Variants in UGCG observed in about 807,000 individuals in gnomAD.
UGCG encodes the protein UDP-glucose ceramide glucosyltransferase.
Under a neutral mutation model 49.5 loss-of-function variants are expected in UGCG, and 10 were observed. That is an observed-to-expected ratio of 0.20 (90% confidence interval 0.12 to 0.34). UGCG has a LOEUF of 0.34. UGCG is among the 10% of genes least tolerant of loss of function. UGCG has a pLI of 1.00. For missense variants in UGCG, 312 were observed against 483.7 expected (o/e 0.65, Z 3.33); for synonymous variants, 182 against 158.2 (o/e 1.15, Z -1.13).
intron 7 of UGCG, 50 bp downstream of exon 7, chr9:111,931,407 G>T (rs747225080): frequency 6.4e-7 from 1 of 1,570,272 alleles, no homozygotes; most frequent in Non-Finnish European, 8.7e-7. Flanking sequence ...AAGTGGGGAG[G>T]GGGGTGGTAA....
chr9:111,932,770 A>G lies in UGCG; in HGVS notation c.1015-57A>G, dbSNP rs138265784. 12 of 1,438,664 alleles carry G rather than the reference A, an allele frequency of 8.3e-6. No individual in the cohort carries two copies. In the African/African-American group the frequency reaches 1.6e-4, roughly 19 times the overall value. 89.1% of individuals were successfully genotyped at this position (1,438,664 alleles called of 1,614,324 possible). The stretch of plus-strand genomic sequence containing the variant: ...TGAAATCCAAGAATTTAATTTTTTA[A>G]CCTTGTCTTTAGTTTGACAGTGAGT... On this transcript the variant is annotated intron_variant, in intron 8 of 8. Coordinates refer to ENST00000374279, the MANE Select transcript of UGCG (RefSeq NM_003358.3).
chr9:111,927,641 C>T (rs1838342371), intron 5 of UGCG, among the ~76,000 whole-genome samples: 1 of 151,988 alleles, frequency 6.6e-6, no homozygotes, highest in Non-Finnish European at 1.5e-5. Context: ...TTGATAGAGA[C>T]AGGTTTTCAC....
chr9:111,905,765 C>T (rs559818649), intron 1 of UGCG, among the ~76,000 whole-genome samples: 1 of 152,246 alleles, frequency 6.6e-6, no homozygotes, highest in Non-Finnish European at 1.5e-5. Flanking sequence ...CTCCTTCATG[C>T]ATTACTGATT....
intron 1 of UGCG, among the ~76,000 whole-genome samples, chr9:111,905,223 A>G (rs1837858938): frequency 6.6e-6 from 1 of 152,148 alleles, no homozygotes. Flanking sequence ...CTTATCCTCC[A>G]TGAACTGCCC....
chr9:111,902,151 T>C (rs1402172526), intron 1 of UGCG, among the ~76,000 whole-genome samples: 3 of 152,246 alleles, frequency 2.0e-5, no homozygotes, highest in East Asian at 1.9e-4. Flanking sequence ...TAACTCCTAC[T>C]CGTTCAAGTC....
rs1838485776 is a variant in UGCG, at chr9:111,934,693, T to G, written c.*1696T>G. On this transcript the variant is annotated 3_prime_UTR_variant, in exon 9 of 9. Coordinates refer to ENST00000374279, the MANE Select transcript of UGCG (RefSeq NM_003358.3). The stretch of plus-strand genomic sequence containing the variant: ...TACACATTATATTTAAGCTTTTCTC[T>G]GGGCCAAACTGCTTCATCCTTTTTT... The G allele has an allele frequency of 6.6e-6, 1 of 151,340 alleles. No individual in the cohort carries two copies. Among genetic ancestry groups the G allele is most frequent in the South Asian group, 2.1e-4 (1 of 4,806 alleles). The allele number at this position is 151,340 out of a possible 1,614,324, so 9.4% of individuals were successfully genotyped here. A position where few individuals can be genotyped will look rare whatever the true frequency, so the allele number is the denominator to read the frequency against.
intron 4 of UGCG, among the ~76,000 whole-genome samples, chr9:111,925,820 T>TCA (rs1286636343): frequency 6.6e-6 from 1 of 152,240 alleles, no homozygotes; most frequent in Non-Finnish European, 1.5e-5. Flanking sequence ...TATGAGTTAA[T>TCA]CAAGACCATT....
intron 2 of UGCG, among the ~76,000 whole-genome samples, chr9:111,922,451 G>A (rs570701395): frequency 1.2e-3 from 179 of 152,300 alleles, no homozygotes; most frequent in African/African-American, 4.1e-3. Flanking sequence ...GAGAGGTTGT[G>A]TTTATTTTGC....
chr9:111,905,323 A>G (rs1224894305), intron 1 of UGCG, among the ~76,000 whole-genome samples: 1 of 152,216 alleles, frequency 6.6e-6, no homozygotes, highest in African/African-American at 2.4e-5. Flanking sequence ...CTCCAGCAGC[A>G]TTCAGTGTTA....
In UGCG at chr9:111,896,825, C is replaced by G. The variant is rs952173745; in HGVS notation, c.-391C>G. ...CGCCGGTTTTGATTAGTGCGCGGAGCTGCGGCGGTGGAGCTGCTCGGCCGG... is the reference window on the plus strand; with the variant it reads ...CGCCGGTTTTGATTAGTGCGCGGAGGTGCGGCGGTGGAGCTGCTCGGCCGG... On this transcript the variant is annotated 5_prime_UTR_variant, in exon 1 of 9. Coordinates refer to ENST00000374279, the MANE Select transcript of UGCG (RefSeq NM_003358.3). The G allele has an allele frequency of 1.2e-4, 18 of 151,784 alleles. No homozygotes were observed. The highest frequency in any genetic ancestry group is 4.1e-4 in the African/African-American group (17 of 41,344). 9.4% of individuals were successfully genotyped at this position (151,784 alleles called of 1,614,324 possible). A position where few individuals can be genotyped will look rare whatever the true frequency, so the allele number is the denominator to read the frequency against.
At chr9:111,915,343 G>A (rs1838092906) in intron 2 of UGCG, among the ~76,000 whole-genome samples, 1 of 152,144 alleles carries the variant, frequency 6.6e-6, no homozygotes, top group Non-Finnish European at 1.5e-5. Flanking sequence ...CAGTTTTCTT[G>A]AGATGAAAGT....
intron 1 of UGCG, among the ~76,000 whole-genome samples, chr9:111,906,078 T>A (rs1837876604): frequency 6.6e-6 from 1 of 152,200 alleles, no homozygotes; most frequent in South Asian, 2.1e-4. Flanking sequence ...AAAATGCAGA[T>A]TCCTAGTCTC....
chr9:111,925,939 C>T lies in UGCG; in HGVS notation c.446-445C>T, dbSNP rs573042815. Reference sequence around the variant, plus strand: ...TACAGATCTCTGTTCAATATAATCACGTTCCATTCCTGTGTGGAAATCTGA... The same window carrying T: ...TACAGATCTCTGTTCAATATAATCATGTTCCATTCCTGTGTGGAAATCTGA... On this transcript the variant is annotated intron_variant, in intron 4 of 8. Transcript: ENST00000374279. 3.7e-4 allele frequency among the ~76,000 whole-genome samples: 57 copies of T among 152,260 alleles called. No homozygotes were observed. In the Middle Eastern group the frequency reaches 0.01, roughly 27 times the overall value.
rs1837671463 is a variant in UGCG, at chr9:111,896,962, C to T, written c.-254C>T. 3 of 213,632 alleles carry T rather than the reference C, an allele frequency of 1.4e-5. No homozygotes were observed. The highest frequency in any genetic ancestry group is 2.3e-5 in the African/African-American group (1 of 42,644). The allele number at this position is 213,632 out of a possible 1,614,324, so 13.2% of individuals were successfully genotyped here. ...GAGCGCGGGACCGCGGTCGCCCCGA[C>T]CAGAGCCGGGAGACCGCAGCACCCG... On this transcript the variant is annotated 5_prime_UTR_variant, in exon 1 of 9. Coordinates refer to ENST00000374279, the MANE Select transcript of UGCG (RefSeq NM_003358.3).
At chr9:111,923,757 T>TGAGCAGCTGGGATCACAGGC (rs1353651327) in intron 3 of UGCG, among the ~76,000 whole-genome samples, 1 of 152,114 alleles carries the variant, frequency 6.6e-6, no homozygotes, top group Non-Finnish European at 1.5e-5. Context: ...TTCAGCCTCC[T>TGAGCAGCTGGGATCACAGGC]GAGCAGCTGG....
At chr9:111,923,027 A>G (rs1161366459) in intron 3 of UGCG, 76 bp downstream of exon 3, 1 of 935,010 alleles carries the variant, frequency 1.1e-6, no homozygotes, top group Admixed American at 2.3e-5. Context: ...TGAACTGAAG[A>G]TTAAGGTGTT....
chr9:111,929,480 G>C lies in UGCG; in HGVS notation c.559-20G>C. 6.2e-7 allele frequency: 1 copy of C among 1,600,058 alleles called. No homozygotes were observed. The highest frequency in any genetic ancestry group is 1.8e-5 in the Admixed American group (1 of 57,086). On this transcript the variant is annotated intron_variant, in intron 5 of 8. Transcript: ENST00000374279. ...TTAACATGAAATTCTAATCATACAC[G>C]TTTGTGGTTTTTTGGGCAGGTATAT...
Position 111,897,108 on chromosome 9 carries a change from T to TCTCGCCTCC in UGCG, c.-106_-98dup. 4.4e-6 allele frequency: 2 copies of TCTCGCCTCC among 453,352 alleles called. No individual in the cohort carries two copies. Among genetic ancestry groups the TCTCGCCTCC allele is most frequent in the South Asian group, 4.4e-5 (2 of 45,468 alleles). The allele number at this position is 453,352 out of a possible 1,614,324, so 28.1% of individuals were successfully genotyped here. ...CCGCCCTTTCCTCTCCCCACCTTCC[T>TCTCGCCTCC]CTCGCCTCCCGCGCCCCCGCACCGG... On this transcript the variant is annotated 5_prime_UTR_variant, in exon 1 of 9. Coordinates refer to ENST00000374279, the MANE Select transcript of UGCG (RefSeq NM_003358.3).
rs1276742577 is a variant in UGCG at position 111,897,368 on chromosome 9, G to A, written c.98+55G>A. The A allele has an allele frequency of 2.8e-6, 4 of 1,416,214 alleles. No individual in the cohort carries two copies. The African/African-American group carries it at 5.7e-5, about 20-fold the overall frequency. 87.7% of individuals were successfully genotyped at this position (1,416,214 alleles called of 1,614,324 possible). A position where few individuals can be genotyped will look rare whatever the true frequency, so the allele number is the denominator to read the frequency against. ...GGCAGGGGTCCGGGCCTCGGAGACAGGCGAGAATGGGAAACGTTTGCGCTT... is the reference window on the plus strand; with the variant it reads ...GGCAGGGGTCCGGGCCTCGGAGACAAGCGAGAATGGGAAACGTTTGCGCTT... On this transcript the variant is annotated intron_variant, in intron 1 of 8. Transcript: ENST00000374279.
Sources: gnomAD v4.1 joint callset for allele counts (sites outside exome capture counted in the v4.1 genomes callset) on GRCh38, gnomAD v4.1.1 for gene constraint, MANE v1.5 for transcripts, NCBI Gene and HGNC (gene_info 2026-07-23, HGNC 2026-07-21) for gene names.